The following DCC variants were observed in gnomAD, a reference collection of about 807,000 sequenced individuals.
DCC encodes netrin receptor DCC.
Under a neutral mutation model 172.5 loss-of-function variants are expected in DCC, and 58 were observed. That is an observed-to-expected ratio of 0.34 (90% CI 0.27 to 0.42). The LOEUF (loss-of-function observed/expected upper bound fraction) is 0.42. Ranked by LOEUF, DCC falls within the 10% of genes least tolerant of loss-of-function variation. The pLI, the probability that DCC is intolerant of heterozygous loss-of-function variation, is 1.00. For synonymous variants in DCC, 709 were observed against 644.5 expected, an observed-to-expected ratio of 1.10 and a Z score of -1.52; for missense variants, 1,740 against 1,791.0, an observed-to-expected ratio of 0.97 and a Z score of 0.51.
In DCC at chr18:52,395,746, G is replaced by T. The variant is rs137929648; in HGVS notation, c.91+54868G>T. Among the ~76,000 whole-genome samples, 530 of 151,978 alleles carry T rather than the reference G, an allele frequency of 3.5e-3. 6 individuals carry two copies. The highest frequency in any genetic ancestry group is 0.012 in the African/African-American group (500 of 41,478). On this transcript the variant is annotated intron_variant, in intron 1 of 28. Coordinates refer to ENST00000442544, the MANE Select transcript of DCC (RefSeq NM_005215.4). ...AACCAATGTTATTCTCCCAGATTTG[G>T]GGCATCACATCTATTACGGGTCATG...
chr18:53,320,708 G>A (rs1007856486), intron 13 of DCC, among the ~76,000 whole-genome samples: 3 of 152,128 alleles, frequency 2.0e-5, no homozygotes, highest in Non-Finnish European at 4.4e-5. Context: ...TTTTCTTTAT[G>A]TTAAGTTTTA....
intron 3 of DCC, among the ~76,000 whole-genome samples, chr18:52,917,660 A>AT (rs886327253): frequency 6.6e-6 from 1 of 152,312 alleles, no homozygotes; most frequent in Middle Eastern, 3.4e-3. Flanking sequence ...GTGGTTCCAC[A>AT]TTTTAAGGCA....
chr18:53,489,448 G>T (rs2045937138), intron 26 of DCC, among the ~76,000 whole-genome samples: 1 of 152,004 alleles, frequency 6.6e-6, no homozygotes, highest in African/African-American at 2.4e-5. Flanking sequence ...ATTCCCTATT[G>T]GTTTCTAAAT....
chr18:52,679,538 T>C (rs1376608404), intron 1 of DCC, among the ~76,000 whole-genome samples: 2 of 152,138 alleles, frequency 1.3e-5, no homozygotes, highest in East Asian at 1.9e-4. Context: ...CAGGACACTA[T>C]GAGGTAAGCA....
intron 22 of DCC, among the ~76,000 whole-genome samples, chr18:53,445,954 G>T (rs1361359943): frequency 6.6e-6 from 1 of 151,332 alleles, no homozygotes; most frequent in Non-Finnish European, 1.5e-5. Flanking sequence ...TTTAAACTGG[G>T]AACATTACAT....
chr18:52,899,079 A>G lies in DCC; in HGVS notation c.413-6965A>G, dbSNP rs571175497. On this transcript the variant is annotated intron_variant, in intron 2 of 28. Transcript: ENST00000442544. ...TACACCAACCCATCTCTTCAAATGA[A>G]AGGATTTATTAGTCTCAGCTCTTTT... Among the ~76,000 whole-genome samples, 6 of 152,298 alleles carry G rather than the reference A, an allele frequency of 3.9e-5. No homozygotes were observed. In the East Asian group the frequency reaches 1.2e-3, roughly 29 times the overall value.
At chr18:52,408,619 G>T (rs1241172082) in intron 1 of DCC, among the ~76,000 whole-genome samples, 1 of 152,098 alleles carries the variant, frequency 6.6e-6, no homozygotes, top group East Asian at 1.9e-4. Flanking sequence ...ATGCAGTTTG[G>T]ATGTATAGTT....
intron 12 of DCC, among the ~76,000 whole-genome samples, chr18:53,261,436 C>A (rs146412203): frequency 1.3e-5 from 2 of 152,260 alleles, no homozygotes; most frequent in East Asian, 3.9e-4. Flanking sequence ...TTGGCCAGGG[C>A]TCAGTTTCAA....
At chr18:53,119,355 T>C (rs995673566) in intron 7 of DCC, among the ~76,000 whole-genome samples, 2 of 151,834 alleles carry the variant, frequency 1.3e-5, no homozygotes, top group Admixed American at 1.3e-4. Flanking sequence ...ATCATTTTTG[T>C]GTACTTAGCC....
At chr18:52,950,652 T>C (rs1598962461) in intron 5 of DCC, among the ~76,000 whole-genome samples, 1 of 152,094 alleles carries the variant, frequency 6.6e-6, no homozygotes, top group South Asian at 2.1e-4. Context: ...AGGCTGGGCG[T>C]GGTGGCTCAC....
intron 1 of DCC, among the ~76,000 whole-genome samples, chr18:52,672,794 A>G (rs780301726): frequency 1.3e-5 from 2 of 152,048 alleles, no homozygotes. Flanking sequence ...TTGGCTGGGT[A>G]CCAAGGCTTG....
At chr18:52,557,267 G>C (rs572572322) in intron 1 of DCC, among the ~76,000 whole-genome samples, 1 of 152,174 alleles carries the variant, frequency 6.6e-6, no homozygotes, top group East Asian at 1.9e-4. Context: ...TAGCGCCTAG[G>C]GTTTCTTTAA....
intron 5 of DCC, among the ~76,000 whole-genome samples, chr18:52,943,532 C>G: frequency 6.6e-6 from 1 of 152,102 alleles, no homozygotes; most frequent in Middle Eastern, 3.4e-3. Context: ...ATCTCTATAT[C>G]GCTGTGTTTT....
At chr18:53,504,460 A>G (rs561471427) in intron 27 of DCC, among the ~76,000 whole-genome samples, 3 of 152,320 alleles carry the variant, frequency 2.0e-5, no homozygotes, top group East Asian at 1.9e-4. Flanking sequence ...AATCAATGCT[A>G]TAGTGGAAAA....
intron 1 of DCC, among the ~76,000 whole-genome samples, chr18:52,370,113 A>G (rs1298136134): frequency 1.3e-5 from 2 of 151,502 alleles, no homozygotes; most frequent in Non-Finnish European, 2.9e-5. Context: ...TTGATTTTTT[A>G]ATAATCACCA....
At chr18:52,822,820 C>T (rs138373985) in intron 2 of DCC, among the ~76,000 whole-genome samples, 302 of 152,228 alleles carry the variant, frequency 2.0e-3, no homozygotes, top group African/African-American at 6.8e-3. Flanking sequence ...AATTTATCCA[C>T]AAGAAGGTTA....
chr18:52,676,434 T>G (rs1476616663), intron 1 of DCC, among the ~76,000 whole-genome samples: 2 of 152,182 alleles, frequency 1.3e-5, no homozygotes, highest in Non-Finnish European at 2.9e-5. Context: ...TCATAATCTG[T>G]TAAATTGTAT....
intron 15 of DCC, among the ~76,000 whole-genome samples, chr18:53,354,770 C>T (rs80196108): frequency 0.23 from 30,967 of 135,740 alleles, 4,216 homozygotes; most frequent in African/African-American, 0.36. Flanking sequence ...TAATTAGATT[C>T]CATTTGTCAA....
chr18:52,798,170 G>T (rs1598813141), intron 2 of DCC, among the ~76,000 whole-genome samples: 1 of 150,930 alleles, frequency 6.6e-6, no homozygotes, highest in African/African-American at 2.4e-5. Context: ...CAATACCCAG[G>T]CCTCGAACAA....
Sources: allele counts gnomAD v4.1 joint callset (sites outside exome capture counted in the v4.1 genomes callset), GRCh38; gene constraint gnomAD v4.1.1; transcripts MANE v1.5; gene names NCBI Gene and HGNC (gene_info 2026-07-23, HGNC 2026-07-21).